The following DNMT1 variants were observed in gnomAD, a reference collection of about 807,000 sequenced individuals.
DNMT1 encodes DNA (cytosine-5)-methyltransferase 1.
A neutral mutation model predicts 205.3 loss-of-function variants in DNMT1; 24 were observed. The ratio of observed to expected loss-of-function variants is 0.12; its 90% CI spans 0.08 to 0.16. The LOEUF (loss-of-function observed/expected upper bound fraction) is 0.16. Among genes scored for constraint, DNMT1 ranks in the 10% least tolerant of loss-of-function variants. The pLI is 1.00. For synonymous variants in DNMT1, 817 were observed against 839.8 expected (o/e 0.97, Z 0.47); for missense variants, 1,293 against 2,177.7 (o/e 0.59, Z 8.09).
intron 39 of DNMT1, chr19:10,135,489 C>T (rs1232267658): frequency 2.2e-5 from 12 of 546,088 alleles, no homozygotes; most frequent in East Asian, 1.3e-4. Flanking sequence ...TTTAGCGCGA[C>T]GGACTGTCCT....
At position 10,152,270 on chromosome 19, in the gene DNMT1, T is replaced by TAAA. The variant is rs372986537; in HGVS notation, c.2020-426_2020-424dup. ...TTAAGACTTTTAGGTCTCAAAAAAT[T>TAAA]AAAAAAAAAAAAAAAAAGTGAGTCA... is the stretch of plus-strand genomic sequence containing the variant. On this transcript the variant is annotated intron_variant, in intron 22 of 40. Transcript: ENST00000359526. 3.1e-3 allele frequency among the ~76,000 whole-genome samples: 302 copies of TAAA among 97,714 alleles called. 7 individuals carry two copies. Among genetic ancestry groups the TAAA allele is most frequent in the African/African-American group, 0.01 (259 of 25,704 alleles). The allele number at this position is 97,714 out of a possible 152,430, so 64.1% of individuals were successfully genotyped here.
rs1004658637 is a variant in DNMT1 at position 10,133,675 on chromosome 19, T to C, written c.4891A>G (p.Lys1631Glu). 6.9e-6 allele frequency: 11 copies of C among 1,599,224 alleles called. No individual in the cohort carries two copies. The highest frequency in any genetic ancestry group is 2.7e-5 in the African/African-American group (2 of 74,544). ...GTGACGGGAGGGCAGAACTAGTCCT[T>C]AGCAGCTTCCTCCTCCTTTATTTTA... ...SAKIKEEEAA[K>E]D The change falls in exon 41 of 41, where the codon AAG becomes GAG. Residue 1631 changes from lysine to glutamate, a missense_variant. Lys to Glu is a moderately conservative substitution (Grantham distance 56). This residue lies in a region of DNMT1 where 37 missense variants were observed against 36.3 expected (regional missense o/e 1.02). Coordinates refer to ENST00000359526, the MANE Select transcript of DNMT1 (RefSeq NM_001130823.3). The surrounding 1 kb of genome is among the most constrained non-coding windows in gnomAD (Gnocchi z 4.1).
At chr19:10,179,026 G>A (rs2038988946) in intron 5 of DNMT1, among the ~76,000 whole-genome samples, 1 of 150,962 alleles carries the variant, frequency 6.6e-6, no homozygotes, top group Non-Finnish European at 1.5e-5. Context: ...CTACTCGGGA[G>A]GCTGAGGCAA....
In DNMT1 at chr19:10,180,385, G is replaced by A. The variant is rs377146699; in HGVS notation, c.410C>T (p.Thr137Met). Reference sequence around the variant, plus strand: ...TCCATCGGACTTGCTCCTCCTGGGCGTGCGAGGTTTGGAAAGGGGTTTGGG... The same window carrying A: ...TCCATCGGACTTGCTCCTCCTGGGCATGCGAGGTTTGGAAAGGGGTTTGGG... Reference protein sequence around the residue: ...SPPKPLSKPRTPRRSKSDGEA... With the variant: ...SPPKPLSKPRMPRRSKSDGEA... Residue 137 changes from threonine to methionine, a missense_variant, in exon 4 of 41, where the codon ACG (threonine) becomes ATG (methionine). Around this residue, in one of 13 missense-constraint regions of DNMT1, gnomAD observed 394 missense variants for 451.6 expected, o/e 0.87. Transcript: ENST00000359526. 63 of 1,613,678 alleles carry A rather than the reference G, an allele frequency of 3.9e-5. No homozygotes were observed. The highest frequency in any genetic ancestry group is 5.0e-5 in the Admixed American group (3 of 59,980).
intron 9 of DNMT1, among the ~76,000 whole-genome samples, chr19:10,169,393 A>C (rs2038764323): frequency 6.7e-6 from 1 of 149,110 alleles, no homozygotes; most frequent in African/African-American, 2.5e-5. Flanking sequence ...ATACAAAAAA[A>C]AAAAAAAAAA....
At chr19:10,189,795 G>A (rs1248082017) in intron 1 of DNMT1, among the ~76,000 whole-genome samples, 1 of 152,030 alleles carries the variant, frequency 6.6e-6, no homozygotes, top group Non-Finnish European at 1.5e-5. Flanking sequence ...TCACTTTACT[G>A]CAGTGGTCTG....
intron 13 of DNMT1, among the ~76,000 whole-genome samples, chr19:10,162,132 G>A (rs572473919): frequency 6.1e-5 from 9 of 148,434 alleles, no homozygotes; most frequent in African/African-American, 2.2e-4. Context: ...GTGAGCCGCT[G>A]TGCCCAGCAT....
At position 10,151,290 on chromosome 19, in the gene DNMT1, T is replaced by C. The variant is rs188307440; in HGVS notation, c.2265+108A>G. 2.6e-4 allele frequency: 390 copies of C among 1,518,088 alleles called. 1 individual carries two copies. The highest frequency in any genetic ancestry group is 3.3e-4 in the Non-Finnish European group (369 of 1,109,180). 94.0% of individuals were successfully genotyped at this position (1,518,088 alleles called of 1,614,324 possible). A position where few individuals can be genotyped will look rare whatever the true frequency, so the allele number is the denominator to read the frequency against. ...CTCAGGGGCAAACAGACAGGTTTCT[T>C]AGTGCCGGGGCTCAGGCTGCCTGAG... On this transcript the variant is annotated intron_variant, in intron 24 of 40. Transcript: ENST00000359526. The surrounding 1 kb of genome is among the most constrained non-coding windows in gnomAD (Gnocchi z 5.0).
At chr19:10,163,191 TC>T in intron 12 of DNMT1, 134 bp downstream of exon 12, 1 of 969,814 alleles carries the variant, frequency 1.0e-6, no homozygotes. Context: ...GGTCTCGAAC[TC>T]CTGACCTCAG....
chr19:10,181,978 T>G, intron 2 of DNMT1, 63 bp downstream of exon 2: 1 of 1,454,688 alleles, frequency 6.9e-7, no homozygotes, highest in Non-Finnish European at 9.6e-7. Flanking sequence ...AAATTTCTTT[T>G]TATGAGCCAC....
At chr19:10,158,679 C>G (rs1045662864) in intron 17 of DNMT1, among the ~76,000 whole-genome samples, 2 of 152,276 alleles carry the variant, frequency 1.3e-5, no homozygotes, top group East Asian at 3.9e-4. Context: ...AGGTACGGGC[C>G]GGACGCCAGG....
chr19:10,165,110 T>TA (rs879593262), intron 11 of DNMT1, among the ~76,000 whole-genome samples: 7 of 148,776 alleles, frequency 4.7e-5, no homozygotes, highest in Non-Finnish European at 1.0e-4. Context: ...TACAAAAAAT[T>TA]AAAAAAAAAA....
In DNMT1 at chr19:10,138,146, G is replaced by C. The variant is rs1219784103; in HGVS notation, c.4116-137C>G. On this transcript the variant is annotated intron_variant, in intron 35 of 40. Coordinates refer to ENST00000359526, the MANE Select transcript of DNMT1 (RefSeq NM_001130823.3). This position sits in a 1 kb window ranked among gnomAD's most constrained non-coding sequence, Gnocchi z 4.1. Reference sequence around the variant, plus strand: ...TGCCCGAGGTCACATGGGTGGCAGTGTGCCTGGATGCCATCTGGAAGGGGG... The same window carrying C: ...TGCCCGAGGTCACATGGGTGGCAGTCTGCCTGGATGCCATCTGGAAGGGGG... 1 of 1,172,976 alleles carries C rather than the reference G, an allele frequency of 8.5e-7. No homozygotes were observed. Among genetic ancestry groups the C allele is most frequent in the African/African-American group, 1.5e-5 (1 of 66,110 alleles). The allele number at this position is 1,172,976 out of a possible 1,614,324, so 72.7% of individuals were successfully genotyped here.
chr19:10,140,657 C>G lies in DNMT1; in HGVS notation c.3523+124G>C. 1 of 1,559,102 alleles carries G rather than the reference C, an allele frequency of 6.4e-7. No homozygotes were observed. The highest frequency in any genetic ancestry group is 8.8e-7 in the Non-Finnish European group (1 of 1,135,880). ...TGCTGGGATTACAGGCGTGCGCCAC[C>G]GTGCCTGGCCTCGGAAGGAGATTCT... On this transcript the variant is annotated intron_variant, in intron 32 of 40. Transcript: ENST00000359526. This position sits in a 1 kb window ranked among gnomAD's most constrained non-coding sequence, Gnocchi z 8.4.
rs186792836 is a variant in DNMT1 at position 10,177,166 on chromosome 19, G to A, written c.569+126C>T. On this transcript the variant is annotated intron_variant, in intron 6 of 40. Transcript: ENST00000359526. ...GAAATGCTATTCATAAATGTCTAGA[G>A]AACAGAACCGCAAGATGAAAACCTA... 4,598 of 856,018 alleles carry A rather than the reference G, an allele frequency of 5.4e-3. 32 individuals are homozygous for A. The highest frequency in any genetic ancestry group is 5.9e-3 in the Non-Finnish European group (3,119 of 524,334). The allele number at this position is 856,018 out of a possible 1,614,324, so 53.0% of individuals were successfully genotyped here. A position where few individuals can be genotyped will look rare whatever the true frequency, so the allele number is the denominator to read the frequency against.
chr19:10,153,805 T>C (rs890505209), intron 22 of DNMT1, among the ~76,000 whole-genome samples: 3 of 152,146 alleles, frequency 2.0e-5, no homozygotes, highest in African/African-American at 4.8e-5. Flanking sequence ...CCAGTCTTTA[T>C]CCAAAAGAAA....
At chr19:10,150,740 T>C (rs186777667) in intron 24 of DNMT1, among the ~76,000 whole-genome samples, 4 of 152,292 alleles carry the variant, frequency 2.6e-5, no homozygotes, top group African/African-American at 4.8e-5. Flanking sequence ...AGGCCATCTG[T>C]TGGTGCCCCA....
intron 10 of DNMT1, among the ~76,000 whole-genome samples, chr19:10,167,358 G>C (rs556712189): frequency 6.6e-6 from 1 of 152,034 alleles, no homozygotes; most frequent in East Asian, 1.9e-4. Context: ...ACCACACCCA[G>C]CTAATTTTTT....
In DNMT1 at chr19:10,140,812, G is replaced by A. The variant is rs140951214; in HGVS notation, c.3492C>T (p.Cys1164=). 156 of 1,614,082 alleles carry A rather than the reference G, an allele frequency of 9.7e-5. No homozygotes were observed. In the African/African-American group the frequency reaches 1.8e-3, roughly 19 times the overall value. The change falls in exon 32 of 41, where the codon TGC becomes TGT. Residue 1164 remains cysteine, a synonymous_variant. Coordinates refer to ENST00000359526, the MANE Select transcript of DNMT1 (RefSeq NM_001130823.3). The surrounding 1 kb of genome is among the most constrained non-coding windows in gnomAD (Gnocchi z 8.4). ...GGTGGAATCCCTCCGACAACCCCCC[G>A]CAGCCAGAAAACACATCCAGGGTCC... ...KLRTLDVFSG[C]GGLSEGFHQA... is the part of the protein sequence containing the mutation.
Sources: gnomAD v4.1 joint callset for allele counts (sites outside exome capture counted in the v4.1 genomes callset) on GRCh38, gnomAD v4.1.1 for gene constraint, gnomAD v4.1.1 regional missense constraint, Gnocchi (gnomAD v3.1) non-coding constraint, MANE v1.5 for transcripts, NCBI Gene and HGNC (gene_info 2026-07-23, HGNC 2026-07-21) for gene names.